The following CNNM3 variants were observed in gnomAD, a reference collection of about 807,000 sequenced individuals.
CNNM3 encodes the protein cyclin and CBS domain divalent metal cation transport mediator 3.
Under a neutral mutation model 57.1 loss-of-function variants are expected in CNNM3, and 47 were observed. The ratio of observed to expected loss-of-function variants is 0.82; its 90% confidence interval spans 0.65 to 1.05. The LOEUF is 1.05. CNNM3 is among the 50% of genes least tolerant of loss of function. The pLI, the probability that CNNM3 is intolerant of heterozygous loss-of-function variation, is 0.00. For synonymous variants in CNNM3, 507 were observed against 478.2 expected, an observed-to-expected ratio of 1.06 and a Z score of -0.79; for missense variants, 957 against 973.7, an observed-to-expected ratio of 0.98 and a Z score of 0.23.
At chr2:96,819,796 G>A (rs939391814) in intron 1 of CNNM3, among the ~76,000 whole-genome samples, 12 of 152,142 alleles carry the variant, frequency 7.9e-5, no homozygotes, top group Non-Finnish European at 1.8e-4. Context: ...CAGAACTAAA[G>A]GCAACTTCTG....
At position 96,816,288 on chromosome 2, in the gene CNNM3, C is replaced by T. The variant is rs769635218; in HGVS notation, c.11C>T (p.Ala4Val). Reference sequence around the variant, plus strand: ...AGGGGGCAGCAGGCGATGGCGGCGGCGGTAGCTGCGGCGGGTCGGTTAGGC... The same window carrying T: ...AGGGGGCAGCAGGCGATGGCGGCGGTGGTAGCTGCGGCGGGTCGGTTAGGC... MAA[A>V]VAAAGRLGWL... Residue 4 changes from alanine to valine, a missense_variant, in exon 1 of 8, where the codon GCG becomes GTG. Physicochemically the swap from Ala to Val is moderately conservative, Grantham distance 64 (BLOSUM62 0). Around this residue, in one of 2 missense-constraint regions of CNNM3, gnomAD observed 466 missense variants for 403.1 expected, o/e 1.16. Coordinates refer to ENST00000305510, the MANE Select transcript of CNNM3 (RefSeq NM_017623.5). The T allele has an allele frequency of 2.3e-6, 3 of 1,302,866 alleles. No homozygotes were observed. Among genetic ancestry groups the T allele is most frequent in the East Asian group, 3.0e-5 (1 of 33,492 alleles). 80.7% of individuals were successfully genotyped at this position (1,302,866 alleles called of 1,614,324 possible).
At chr2:96,829,288 T>G (rs937898949) in intron 7 of CNNM3, 154 bp downstream of exon 7, 3 of 877,882 alleles carry the variant, frequency 3.4e-6, no homozygotes, top group Admixed American at 1.3e-4. Context: ...TATATCTATA[T>G]ATAAATAATT....
chr2:96,828,520 C>T, intron 5 of CNNM3, 47 bp from the exon 6 acceptor site: 1 of 1,611,898 alleles, frequency 6.2e-7, no homozygotes, highest in South Asian at 1.1e-5. Context: ...GAGGAGGCTC[C>T]CAGCTGCCAG....
chr2:96,826,030 C>T (rs2079497429), intron 2 of CNNM3, among the ~76,000 whole-genome samples: 1 of 152,174 alleles, frequency 6.6e-6, no homozygotes, highest in South Asian at 2.1e-4. Flanking sequence ...GCCCTGCATG[C>T]TTCCAGAAGT....
Position 96,832,667 on chromosome 2 carries a change from C to A in CNNM3, c.*51C>A. ...GGGGAACAGATGAGCACGTGGGGAG[C>A]TGGAGTGAGCTGAGCAGAAGTTTTG... On this transcript the variant is annotated 3_prime_UTR_variant, in exon 8 of 8. Transcript: ENST00000305510. 6.2e-7 allele frequency: 1 copy of A among 1,606,348 alleles called. No homozygotes were observed. The highest frequency in any genetic ancestry group is 8.5e-7 in the Non-Finnish European group (1 of 1,179,290).
At chr2:96,827,041 G>T (rs1574110210) in intron 3 of CNNM3, 59 bp downstream of exon 3, 36 of 1,556,940 alleles carry the variant, frequency 2.3e-5, no homozygotes, top group East Asian at 1.1e-4. Context: ...GGGTCAGGAG[G>T]CCGCCCAGGG....
At chr2:96,836,638 C>G (rs909094192), downstream of CNNM3, 2 of 152,216 alleles carry the variant, frequency 1.3e-5, no homozygotes, top group Non-Finnish European at 2.9e-5. Flanking sequence ...CCTCAACCTC[C>G]CAAAGTACTA....
At position 96,817,388 on chromosome 2, in the gene CNNM3, G is replaced by C. The variant is rs753328913; in HGVS notation, c.1111G>C (p.Val371Leu). 1.7e-5 allele frequency: 27 copies of C among 1,614,154 alleles called. No homozygotes were observed. Among genetic ancestry groups the C allele is most frequent in the Non-Finnish European group, 2.3e-5 (27 of 1,180,038 alleles). ...DMLYLKDLAF[V>L]DPEDCTPLST... ...GCTCTACCTCAAGGACTTGGCCTTCGTGGATCCCGAAGACTGCACGCCGCT... is the reference window on the plus strand; with the variant it reads ...GCTCTACCTCAAGGACTTGGCCTTCCTGGATCCCGAAGACTGCACGCCGCT... The change falls in exon 1 of 8, where the codon GTG becomes CTG. Residue 371 changes from valine to leucine, a missense_variant. Coordinates refer to ENST00000305510, the MANE Select transcript of CNNM3 (RefSeq NM_017623.5).
chr2:96,836,239 A>ATT (rs761750199), downstream of CNNM3, among the ~76,000 whole-genome samples: 5 of 126,550 alleles, frequency 4.0e-5, no homozygotes, highest in South Asian at 2.5e-4. Context: ...CACCCAGCTA[A>ATT]TTTTTTTTTT....
At chr2:96,837,223 G>A (rs1302236049), downstream of CNNM3, 3 of 152,098 alleles carry the variant, frequency 2.0e-5, no homozygotes, top group Admixed American at 1.3e-4. Context: ...GAATAACCTT[G>A]TCTACATCTA....
chr2:96,832,502 G>A (rs1430658032), intron 7 of CNNM3, 50 bp from the exon 8 acceptor site: 3 of 1,612,514 alleles, frequency 1.9e-6, no homozygotes, highest in South Asian at 2.2e-5. Flanking sequence ...GGTTTTGACA[G>A]GATACTTTAC....
Position 96,817,009 on chromosome 2 carries a change from C to T in CNNM3, c.732C>T (p.Ser244=). ...GAGAGGTGGTGCCGGCCGCCGTGAGCGGGCGCTGGACGCTGGCGCTGGCGC... is the reference window on the plus strand; with the variant it reads ...GAGAGGTGGTGCCGGCCGCCGTGAGTGGGCGCTGGACGCTGGCGCTGGCGC... ...LVGEVVPAAV[S]GRWTLALAPR... Residue 244 remains serine (S), a synonymous_variant, in exon 1 of 8, where the codon AGC becomes AGT. Transcript: ENST00000305510. 3 of 1,372,176 alleles carry T rather than the reference C, an allele frequency of 2.2e-6. No homozygotes were observed. The highest frequency in any genetic ancestry group is 1.4e-5 in the South Asian group (1 of 71,186). The allele number at this position is 1,372,176 out of a possible 1,614,324, so 85.0% of individuals were successfully genotyped here.
intron 1 of CNNM3, among the ~76,000 whole-genome samples, chr2:96,818,842 C>T (rs763993537): frequency 1.3e-5 from 2 of 152,190 alleles, no homozygotes; most frequent in Non-Finnish European, 2.9e-5. Flanking sequence ...TAAAGGCTGC[C>T]AGCTGTAAGG....
chr2:96,817,631 C>G (rs2079344678), intron 1 of CNNM3, 129 bp downstream of exon 1: 1 of 849,340 alleles, frequency 1.2e-6, no homozygotes, highest in South Asian at 1.6e-5. Context: ...TCTAAGGTCC[C>G]TTTTCAAGAC....
chr2:96,816,277 G>A lies in CNNM3; in HGVS notation c.-1G>A, dbSNP rs573290906. ...GAGAGGCCGAGAGGGGGCAGCAGGC[G>A]ATGGCGGCGGCGGTAGCTGCGGCGG... is the stretch of plus-strand genomic sequence containing the variant. On this transcript the variant is annotated 5_prime_UTR_variant, in exon 1 of 8. Transcript: ENST00000305510. 31 of 1,310,098 alleles carry A rather than the reference G, an allele frequency of 2.4e-5. No homozygotes were observed. The African/African-American group carries it at 3.3e-4, about 14-fold the overall frequency. 81.2% of individuals were successfully genotyped at this position (1,310,098 alleles called of 1,614,324 possible).
rs1274978637 is a variant in CNNM3 at position 96,817,441 on chromosome 2, T to C, written c.1164T>C (p.His388=). Reference sequence around the variant, plus strand: ...GCACCATCACTCGTTTCTACAACCATCCGCTCCACTTCGTCTTCAACGACA... The same window carrying C: ...GCACCATCACTCGTTTCTACAACCACCCGCTCCACTTCGTCTTCAACGACA... ...PLSTITRFYN[H]PLHFVFNDTK... Residue 388 remains histidine (H), a synonymous_variant, in exon 1 of 8, where the codon CAT becomes CAC. Coordinates refer to ENST00000305510, the MANE Select transcript of CNNM3 (RefSeq NM_017623.5). The C allele has an allele frequency of 3.7e-6, 6 of 1,613,880 alleles. No homozygotes were observed. Among genetic ancestry groups the C allele is most frequent in the Non-Finnish European group, 3.4e-6 (4 of 1,179,986 alleles).
rs899411692 is a variant in CNNM3 at position 96,833,870 on chromosome 2, G to T, written c.*1254G>T. ...CTCAAGGAATAAACTCTGAGAGCAAGCCCGGGTTGGAAACAGATGCTTTAA... is the reference window on the plus strand; with the variant it reads ...CTCAAGGAATAAACTCTGAGAGCAATCCCGGGTTGGAAACAGATGCTTTAA... On this transcript the variant is annotated 3_prime_UTR_variant, in exon 8 of 8. Transcript: ENST00000305510. 6.6e-6 allele frequency: 1 copy of T among 152,214 alleles called. No individual in the cohort carries two copies. The highest frequency in any genetic ancestry group is 2.4e-5 in the African/African-American group (1 of 41,454). The allele number at this position is 152,214 out of a possible 1,614,324, so 9.4% of individuals were successfully genotyped here.
rs927491735 is a variant in CNNM3 at position 96,828,186 on chromosome 2, C to T, written c.1777C>T (p.Pro593Ser). The T allele has an allele frequency of 6.2e-7, 1 of 1,613,628 alleles. No homozygotes were observed. ...CTATGGAGTGTCGGCCCTAACTGTGCCATCCTCGGGTAAGCCACGGCCCTG... is the reference window on the plus strand; with the variant it reads ...CTATGGAGTGTCGGCCCTAACTGTGTCATCCTCGGGTAAGCCACGGCCCTG... ...TYYGVSALTV[P>S]SSVHQSPVSS... is the part of the protein sequence containing the mutation. The change falls in exon 5 of 8, where the codon CCA becomes TCA. Residue 593 changes from proline to serine, a missense_variant. Physicochemically the swap from Pro to Ser is moderately conservative, Grantham distance 74. Transcript: ENST00000305510.
chr2:96,831,394 C>A (rs560928758), intron 7 of CNNM3, among the ~76,000 whole-genome samples: 2 of 152,316 alleles, frequency 1.3e-5, no homozygotes, highest in South Asian at 4.1e-4. Flanking sequence ...GAGACCTTGG[C>A]ACTAGACGCC....
Sources: allele counts gnomAD v4.1 joint callset (sites outside exome capture counted in the v4.1 genomes callset), GRCh38; gene constraint gnomAD v4.1.1; regional missense constraint gnomAD v4.1.1; transcripts MANE v1.5; gene names NCBI Gene and HGNC (gene_info 2026-07-23, HGNC 2026-07-21).